Variants in SRGAP3 observed in about 807,000 individuals in gnomAD.
The protein encoded by SRGAP3 is SLIT-ROBO Rho GTPase activating protein 3.
In SRGAP3, 39 loss-of-function variants were observed where a neutral mutation model predicts 121.1. That is an observed-to-expected ratio of 0.32 (90% CI 0.25 to 0.42). SRGAP3 has a LOEUF of 0.42. Ranked by LOEUF, SRGAP3 falls within the 10% of genes least tolerant of loss-of-function variation. The probability of loss-of-function intolerance (pLI) is 1.00; values close to 1 mark genes in which losing one functional copy is unlikely to be tolerated. For missense variants in SRGAP3, 1,213 were observed against 1,470.6 expected, an observed-to-expected ratio of 0.82 and a Z score of 2.86; for synonymous variants, 601 against 570.0, an observed-to-expected ratio of 1.05 and a Z score of -0.77.
At chr3:9,119,762 C>T (rs1225116050) in intron 2 of SRGAP3, among the ~76,000 whole-genome samples, 1 of 152,236 alleles carries the variant, frequency 6.6e-6, no homozygotes, top group East Asian at 1.9e-4. Context: ...TGATGCCCGG[C>T]TGAAGCAGGA....
At chr3:9,252,185 T>C (rs571841874), upstream of SRGAP3, among the ~76,000 whole-genome samples, 1 of 152,224 alleles carries the variant, frequency 6.6e-6, no homozygotes, top group Admixed American at 6.5e-5. Context: ...TCACTCACCA[T>C]GTGATATGCC....
At chr3:9,199,645 T>A (rs1952013929) in intron 1 of SRGAP3, among the ~76,000 whole-genome samples, 1 of 152,236 alleles carries the variant, frequency 6.6e-6, no homozygotes, top group South Asian at 2.1e-4. Flanking sequence ...AATGATCATT[T>A]TCGAGAGCAT....
intron 14 of SRGAP3, 141 bp from the exon 15 acceptor site, chr3:9,015,872 C>T (rs1300204803): frequency 1.1e-6 from 1 of 873,352 alleles, no homozygotes; most frequent in Non-Finnish European, 1.8e-6. Flanking sequence ...ATGAGGCCCC[C>T]CACTTCAGCA....
At position 8,984,666 on chromosome 3, in the gene SRGAP3, C is replaced by T. The variant is rs1440319195; in HGVS notation, c.*853G>A. 4.3e-6 allele frequency: 1 copy of T among 232,734 alleles called. No homozygotes were observed. Among genetic ancestry groups the T allele is most frequent in the Non-Finnish European group, 8.5e-6 (1 of 117,618 alleles). 14.4% of individuals were successfully genotyped at this position (232,734 alleles called of 1,614,324 possible). The stretch of plus-strand genomic sequence containing the variant: ...CAGGGGTCTTCTCGCCAACCTTCTC[C>T]CATGCCTTTGGGAGTACAGTTGGCC... On this transcript the variant is annotated 3_prime_UTR_variant, in exon 22 of 22. Coordinates refer to ENST00000383836, the MANE Select transcript of SRGAP3 (RefSeq NM_014850.4).
chr3:9,186,175 T>C (rs922827948), intron 1 of SRGAP3, among the ~76,000 whole-genome samples: 5 of 152,216 alleles, frequency 3.3e-5, no homozygotes, highest in Non-Finnish European at 7.3e-5. Flanking sequence ...CTTGTCGCCT[T>C]TGAACCTGGA....
intron 3 of SRGAP3, among the ~76,000 whole-genome samples, chr3:9,282,317 A>C (rs879846213): frequency 6.6e-6 from 1 of 152,330 alleles, no homozygotes; most frequent in African/African-American, 2.4e-5. Context: ...TGAACATTAC[A>C]TATTTTATAA....
At chr3:9,080,219 C>A (rs1357375488) in intron 3 of SRGAP3, 132 bp from the exon 4 acceptor site, 3 of 785,538 alleles carry the variant, frequency 3.8e-6, no homozygotes, top group African/African-American at 1.7e-5. Flanking sequence ...GCATAAATTT[C>A]ATTGATCTAC....
In SRGAP3 at chr3:9,064,387, C is replaced by T. The variant is rs375053067; in HGVS notation, c.672+9G>A. On this transcript the variant is annotated intron_variant, in intron 5 of 21. Transcript: ENST00000383836. Reference sequence around the variant, plus strand: ...CCCCAATCGCTCCCAGCCCAGGGCCCCCACTCACCTTCTCCTTCATCTTCT... The same window carrying T: ...CCCCAATCGCTCCCAGCCCAGGGCCTCCACTCACCTTCTCCTTCATCTTCT... 5.0e-6 allele frequency: 8 copies of T among 1,614,200 alleles called. No individual in the cohort carries two copies. The highest frequency in any genetic ancestry group is 6.8e-6 in the Non-Finnish European group (8 of 1,180,026).
chr3:9,152,005 C>T (rs1575151461), intron 1 of SRGAP3, among the ~76,000 whole-genome samples: 1 of 152,208 alleles, frequency 6.6e-6, no homozygotes, highest in Non-Finnish European at 1.5e-5. Flanking sequence ...AAATGCTGTT[C>T]TAGATCCCCA....
At position 9,049,409 on chromosome 3, in the gene SRGAP3, G is replaced by A. The variant is rs544821795; in HGVS notation, c.1324-1934C>T. ...AGAGCACTTGACAGTTTTCACACAC[G>A]TACGTTTAAGCCTCATCAGAGTCTT... On this transcript the variant is annotated intron_variant, in intron 9 of 21. Coordinates refer to ENST00000383836, the MANE Select transcript of SRGAP3 (RefSeq NM_014850.4). The A allele has an allele frequency of 6.3e-4, 287 of 456,068 alleles. 6 individuals carry two copies. In the Middle Eastern group the frequency reaches 0.011, roughly 17 times the overall value. 28.3% of individuals were successfully genotyped at this position (456,068 alleles called of 1,614,324 possible).
At chr3:9,259,226 T>A (rs531140251) in intron 3 of SRGAP3, among the ~76,000 whole-genome samples, 3 of 152,096 alleles carry the variant, frequency 2.0e-5, no homozygotes, top group Admixed American at 1.3e-4. Context: ...TTTTTTCATA[T>A]GGCTACCACA....
intron 3 of SRGAP3, among the ~76,000 whole-genome samples, chr3:9,268,129 A>G (rs978573495): frequency 4.6e-5 from 7 of 152,174 alleles, no homozygotes. Flanking sequence ...CAGATCTGCC[A>G]TGGACAGAGC....
At chr3:9,169,516 T>C (rs1330550355) in intron 1 of SRGAP3, among the ~76,000 whole-genome samples, 2 of 152,224 alleles carry the variant, frequency 1.3e-5, no homozygotes, top group South Asian at 2.1e-4. Context: ...TGTCATTGCA[T>C]GTTCCAGGAA....
intron 2 of SRGAP3, among the ~76,000 whole-genome samples, chr3:9,110,336 G>A (rs902244430): frequency 1.8e-4 from 28 of 152,184 alleles, no homozygotes; most frequent in Admixed American, 1.4e-3. Flanking sequence ...CGAACACGAC[G>A]AGTCTAAAAG....
In SRGAP3 at chr3:9,053,012, C is replaced by T. The variant is rs1945658414; in HGVS notation, c.1323+15G>A. On this transcript the variant is annotated intron_variant, in intron 9 of 21. Transcript: ENST00000383836. The stretch of plus-strand genomic sequence containing the variant: ...TTGGCCGACAGTGTGGTTCTGGGCC[C>T]AGGATGCCACTTACTGTAAAATAAA... 1 of 1,613,086 alleles carries T rather than the reference C, an allele frequency of 6.2e-7. No homozygotes were observed. Among genetic ancestry groups the T allele is most frequent in the African/African-American group, 1.3e-5 (1 of 74,910 alleles).
At chr3:9,032,588 G>A in intron 12 of SRGAP3, 62 bp downstream of exon 12, 6 of 1,468,844 alleles carry the variant, frequency 4.1e-6, no homozygotes, top group South Asian at 1.2e-5. Context: ...AGGGAGGCGG[G>A]CGGACAGAGG....
intron 1 of SRGAP3, among the ~76,000 whole-genome samples, chr3:9,213,052 G>C (rs752499805): frequency 4.3e-4 from 66 of 152,238 alleles, no homozygotes; most frequent in Non-Finnish European, 9.1e-4. Context: ...ACTTCCCCTG[G>C]ATTTGGGGCC....
chr3:9,165,974 C>A (rs1242482255), intron 1 of SRGAP3, among the ~76,000 whole-genome samples: 1 of 152,172 alleles, frequency 6.6e-6, no homozygotes, highest in African/African-American at 2.4e-5. Flanking sequence ...TGTGAGGGGG[C>A]ACTGTATCTG....
Position 9,058,265 on chromosome 3 carries a change from G to C in SRGAP3, c.1009C>G (p.His337Asp). The C allele has an allele frequency of 6.2e-7, 1 of 1,614,216 alleles. No homozygotes were observed. Among genetic ancestry groups the C allele is most frequent in the Non-Finnish European group, 8.5e-7 (1 of 1,180,046 alleles). ...AGGAAGCCTACCTCATCCCCCATGT[G>C]GGGCTGGAACTCGAACTTGAGTGGA... ...CPPLKFEFQP[H>D]MGDEVCQVSA... The change falls in exon 7 of 22, where the codon CAC (histidine) becomes GAC (aspartate). Residue 337 changes from histidine to aspartate, a missense_variant. Coordinates refer to ENST00000383836, the MANE Select transcript of SRGAP3 (RefSeq NM_014850.4).
Sources: allele counts gnomAD v4.1 joint callset (sites outside exome capture counted in the v4.1 genomes callset), GRCh38; gene constraint gnomAD v4.1.1; transcripts MANE v1.5; gene names NCBI Gene and HGNC (gene_info 2026-07-23, HGNC 2026-07-21).